The following DOCK4 variants were observed in gnomAD, a reference collection of about 807,000 sequenced individuals.
The protein encoded by DOCK4 is dedicator of cytokinesis 4, also known as dedicator of cytokinesis protein 4.
DOCK4 carries 97 observed loss-of-function variants against 268.1 expected under a neutral mutation model. The ratio of observed to expected loss-of-function variants is 0.36; its 90% CI spans 0.31 to 0.43. DOCK4 has a LOEUF of 0.43. DOCK4 is among the 20% of genes least tolerant of loss of function. The pLI is 1.00. For synonymous variants in DOCK4, 954 were observed against 887.2 expected (o/e 1.08, Z -1.34); for missense variants, 2,145 against 2,455.7 (o/e 0.87, Z 2.67).
chr7:111,860,745 C>T (rs564309446), intron 23 of DOCK4, among the ~76,000 whole-genome samples: 7 of 152,294 alleles, frequency 4.6e-5, no homozygotes, highest in African/African-American at 1.4e-4. Context: ...TACCATAGTA[C>T]ATACTCTCAT....
intron 50 of DOCK4, among the ~76,000 whole-genome samples, chr7:111,735,613 A>C (rs543485535): frequency 6.6e-6 from 1 of 152,344 alleles, no homozygotes; most frequent in South Asian, 2.1e-4. Context: ...CAGCCATGCA[A>C]TATTATCTCA....
rs1211825322 is a variant in DOCK4 at position 111,755,572 on chromosome 7, G to A, written c.4359C>T (p.Tyr1453=). The A allele has an allele frequency of 2.5e-6, 4 of 1,613,816 alleles. No individual in the cohort carries two copies. Among genetic ancestry groups the A allele is most frequent in the Non-Finnish European group, 3.4e-6 (4 of 1,179,860 alleles). ...KSLWVERTSL[Y]LVQSLPGISR... is the part of the protein sequence containing the mutation. The stretch of plus-strand genomic sequence containing the variant: ...AGATGCCAGGCAAACTCTGCACCAA[G>A]TATAATGACGTTCTCTCCACCCAGA... Residue 1453 remains tyrosine (Y), a synonymous_variant, in exon 42 of 53, where the codon TAC becomes TAT. Transcript: ENST00000428084.
intron 36 of DOCK4, among the ~76,000 whole-genome samples, chr7:111,774,327 G>A (rs182996785): frequency 6.6e-6 from 1 of 152,166 alleles, no homozygotes; most frequent in Admixed American, 6.5e-5. Flanking sequence ...CTTTAGCTGG[G>A]CATGGTGGCA....
At chr7:111,985,929 T>A (rs1340261649) in intron 6 of DOCK4, among the ~76,000 whole-genome samples, 1 of 152,200 alleles carries the variant, frequency 6.6e-6, no homozygotes, top group Non-Finnish European at 1.5e-5. Context: ...ATGAAGATCA[T>A]TTAGCAAATG....
chr7:111,899,371 G>A (rs1790938652), intron 15 of DOCK4, among the ~76,000 whole-genome samples: 1 of 152,092 alleles, frequency 6.6e-6, no homozygotes, highest in African/African-American at 2.4e-5. Context: ...CTCGTTTGTT[G>A]TACTGCTCCC....
intron 1 of DOCK4, among the ~76,000 whole-genome samples, chr7:112,097,932 A>G (rs1810302732): frequency 6.6e-6 from 1 of 152,218 alleles, no homozygotes; most frequent in South Asian, 2.1e-4. Flanking sequence ...AATCTGTTAT[A>G]TAACCAGAGC....
At chr7:111,882,935 A>C (rs1469206687) in intron 16 of DOCK4, among the ~76,000 whole-genome samples, 1 of 152,156 alleles carries the variant, frequency 6.6e-6, no homozygotes, top group Admixed American at 6.5e-5. Flanking sequence ...ATATTTAGGA[A>C]AGACCTCTCT....
At chr7:112,053,160 A>G (rs1445350252) in intron 1 of DOCK4, among the ~76,000 whole-genome samples, 4 of 152,222 alleles carry the variant, frequency 2.6e-5, no homozygotes, top group Non-Finnish European at 2.9e-5. Flanking sequence ...CAGGAAAGGC[A>G]ATGACAGGCC....
chr7:111,767,508 A>C (rs1797839399), intron 37 of DOCK4, among the ~76,000 whole-genome samples: 1 of 152,100 alleles, frequency 6.6e-6, no homozygotes, highest in Admixed American at 6.5e-5. Context: ...TACAGGCATG[A>C]GCCACCGCGC....
At chr7:111,764,429 T>C (rs1467201121) in intron 39 of DOCK4, among the ~76,000 whole-genome samples, 1 of 152,226 alleles carries the variant, frequency 6.6e-6, no homozygotes, top group Non-Finnish European at 1.5e-5. Flanking sequence ...CAGATACCTT[T>C]CCTTAGTTGC....
At position 111,972,822 on chromosome 7, in the gene DOCK4, A is replaced by AT. The variant is rs1275950520; in HGVS notation, c.701+4309dup. 4.2e-3 allele frequency among the ~76,000 whole-genome samples: 624 copies of AT among 149,324 alleles called. 7 individuals are homozygous for AT. The highest frequency in any genetic ancestry group is 0.014 in the African/African-American group (585 of 40,624). ...CTAGTTCTCTGTCCTTCTATCTTTA[A>AT]TTTTTTTTTTAATTTTTTACATGAA... is the stretch of plus-strand genomic sequence containing the variant. On this transcript the variant is annotated intron_variant, in intron 8 of 52. Transcript: ENST00000428084.
chr7:112,098,667 TTATGTAATTA>T (rs1265737408), intron 1 of DOCK4, among the ~76,000 whole-genome samples: 5 of 149,646 alleles, frequency 3.3e-5, no homozygotes, highest in East Asian at 1.9e-4. Flanking sequence ...ATGTGTAATT[TTATGTAATTA>T]TATAGATTAT....
At chr7:111,738,273 G>A (rs1284598431) in intron 49 of DOCK4, among the ~76,000 whole-genome samples, 1 of 152,178 alleles carries the variant, frequency 6.6e-6, no homozygotes, top group Non-Finnish European at 1.5e-5. Context: ...TTACTCGCAT[G>A]AGCAGTTGAC....
At chr7:111,759,717 C>T (rs1797257302) in intron 40 of DOCK4, among the ~76,000 whole-genome samples, 1 of 141,180 alleles carries the variant, frequency 7.1e-6, no homozygotes, top group African/African-American at 2.7e-5. Flanking sequence ...GATGCCATAG[C>T]TAAAAGCCCC....
At chr7:111,807,707 C>T (rs2133889963) in intron 30 of DOCK4, 1 of 152,242 alleles carries the variant, frequency 6.6e-6, no homozygotes, top group South Asian at 2.1e-4. Context: ...AACTCCTGAC[C>T]TCAAGTGATC....
At position 112,002,094 on chromosome 7, in the gene DOCK4, T is replaced by C. The variant is rs144747307; in HGVS notation, c.122-1560A>G. Among the ~76,000 whole-genome samples the C allele has an allele frequency of 1.1e-3, 171 of 152,324 alleles. 2 individuals carry two copies. In the East Asian group the frequency reaches 0.018, roughly 16 times the overall value. On this transcript the variant is annotated intron_variant, in intron 2 of 52. Coordinates refer to ENST00000428084, the MANE Select transcript of DOCK4 (RefSeq NM_001363540.2). ...GCAAAATTTTAATACAAAACAAATA[T>C]TTGAGCTTTGTATTTAAACATTTTT...
At chr7:112,000,800 T>C (rs1273894566) in intron 2 of DOCK4, among the ~76,000 whole-genome samples, 2 of 152,216 alleles carry the variant, frequency 1.3e-5, no homozygotes, top group African/African-American at 2.4e-5. Context: ...GGCTTTAAAA[T>C]CAGAGCATTG....
At chr7:112,137,777 G>A (rs542949772) in intron 1 of DOCK4, among the ~76,000 whole-genome samples, 2 of 152,290 alleles carry the variant, frequency 1.3e-5, no homozygotes, top group Non-Finnish European at 2.9e-5. Flanking sequence ...CCTCAGCCCA[G>A]CAACAGTCTT....
chr7:111,948,648 G>A (rs1795812348), intron 8 of DOCK4, among the ~76,000 whole-genome samples: 1 of 150,986 alleles, frequency 6.6e-6, no homozygotes, highest in Non-Finnish European at 1.5e-5. Context: ...AGGGTAGAGT[G>A]CAATGGCGCG....
Sources: gnomAD v4.1 joint callset for allele counts (sites outside exome capture counted in the v4.1 genomes callset) on GRCh38, gnomAD v4.1.1 for gene constraint, MANE v1.5 for transcripts, NCBI Gene and HGNC (gene_info 2026-07-23, HGNC 2026-07-21) for gene names.